GRM1: variants seen among roughly 807,000 people sequenced by gnomAD.
GRM1 encodes metabotropic glutamate receptor 1.
A neutral mutation model predicts 90.9 loss-of-function variants in GRM1; 33 were observed. The ratio of observed to expected loss-of-function variants is 0.36; its 90% CI spans 0.28 to 0.49. The LOEUF (loss-of-function observed/expected upper bound fraction) is 0.49, where lower values mean the gene tolerates loss of function less well. Among genes scored for constraint, GRM1 ranks in the 20% least tolerant of loss-of-function variants. The pLI, the probability that GRM1 is intolerant of heterozygous loss-of-function variation, is 0.99. For missense variants in GRM1, 1,190 were observed against 1,534.3 expected, an observed-to-expected ratio of 0.78 and a Z score of 3.75; for synonymous variants, 700 against 613.2, an observed-to-expected ratio of 1.14 and a Z score of -2.09.
At chr6:146,408,687 G>C (rs1410405217) in intron 7 of GRM1, among the ~76,000 whole-genome samples, 1 of 152,148 alleles carries the variant, frequency 6.6e-6, no homozygotes, top group Non-Finnish European at 1.5e-5. Context: ...AAATAGAGGA[G>C]CTGTAAGTCT....
chr6:146,256,597 C>G (rs1781489097), intron 2 of GRM1, among the ~76,000 whole-genome samples: 1 of 152,158 alleles, frequency 6.6e-6, no homozygotes, highest in African/African-American at 2.4e-5. Context: ...CACTCCTAAG[C>G]CATCATCTTC....
chr6:146,339,252 A>G (rs1405604812), intron 3 of GRM1, among the ~76,000 whole-genome samples: 1 of 152,230 alleles, frequency 6.6e-6, no homozygotes. Flanking sequence ...AACTGAATGG[A>G]CATGAGCATT....
intron 7 of GRM1, among the ~76,000 whole-genome samples, chr6:146,422,493 G>A (rs1254640179): frequency 6.6e-6 from 1 of 152,092 alleles, no homozygotes; most frequent in African/African-American, 2.4e-5. Flanking sequence ...ATGGCTTATG[G>A]ATTAGGCTGG....
chr6:146,040,895 A>G (rs1284040524), intron 1 of GRM1, among the ~76,000 whole-genome samples: 2 of 151,622 alleles, frequency 1.3e-5, no homozygotes, highest in South Asian at 2.1e-4. Flanking sequence ...TGCCTTTTTG[A>G]GGCTATTTTC....
At chr6:146,039,769 A>G (rs1322339306) in intron 1 of GRM1, among the ~76,000 whole-genome samples, 2 of 151,956 alleles carry the variant, frequency 1.3e-5, no homozygotes, top group South Asian at 2.1e-4. Flanking sequence ...TTGACTTTCT[A>G]TGTAGCAGGG....
chr6:146,407,187 C>A (rs1777379461), intron 7 of GRM1, among the ~76,000 whole-genome samples: 1 of 152,166 alleles, frequency 6.6e-6, no homozygotes, highest in Non-Finnish European at 1.5e-5. Context: ...GACAATGCTG[C>A]TGCAGGAGAC....
At chr6:146,049,968 T>A (rs903564921) in intron 1 of GRM1, among the ~76,000 whole-genome samples, 1 of 151,930 alleles carries the variant, frequency 6.6e-6, no homozygotes, top group African/African-American at 2.4e-5. Flanking sequence ...TCAGTCTCAT[T>A]CCAAAGGCTT....
At position 146,365,985 on chromosome 6, in the gene GRM1, G is replaced by A. The variant is rs551691880; in HGVS notation, c.1602+8291G>A. Among the ~76,000 whole-genome samples the A allele has an allele frequency of 2.6e-5, 4 of 152,226 alleles. No homozygotes were observed. The South Asian group carries it at 6.2e-4, about 24-fold the overall frequency. ...TGCCTCATCTTGGTTTCTCCCCTGT[G>A]ACCTATTCCTCTTTCTTGCTTTAGT... On this transcript the variant is annotated intron_variant, in intron 5 of 7. Transcript: ENST00000282753.
intron 2 of GRM1, among the ~76,000 whole-genome samples, chr6:146,197,691 T>C (rs879679204): frequency 7.9e-5 from 12 of 152,250 alleles, no homozygotes; most frequent in Non-Finnish European, 1.6e-4. Flanking sequence ...TGTAAATAAA[T>C]AGTATTGTTC....
At chr6:146,095,022 C>T (rs1038078987) in intron 1 of GRM1, among the ~76,000 whole-genome samples, 4 of 152,124 alleles carry the variant, frequency 2.6e-5, no homozygotes, top group African/African-American at 7.2e-5. Context: ...TAAAGATGCA[C>T]ATATGATCAG....
intron 2 of GRM1, among the ~76,000 whole-genome samples, chr6:146,216,074 A>G (rs1359504387): frequency 6.6e-6 from 1 of 152,180 alleles, no homozygotes; most frequent in Admixed American, 6.5e-5. Context: ...TTAAGAAAAT[A>G]CTGTATATTC....
intron 3 of GRM1, among the ~76,000 whole-genome samples, chr6:146,330,148 A>G (rs1188462194): frequency 6.6e-6 from 1 of 152,202 alleles, no homozygotes; most frequent in Non-Finnish European, 1.5e-5. Flanking sequence ...TGTGATTATG[A>G]CTGAACAACT....
chr6:146,296,865 A>C (rs1783195364), intron 2 of GRM1, among the ~76,000 whole-genome samples: 2 of 152,154 alleles, frequency 1.3e-5, no homozygotes, highest in South Asian at 4.1e-4. Context: ...GTAAGACTTC[A>C]AATATCCCAG....
chr6:146,298,180 T>C (rs1262629005), intron 2 of GRM1, among the ~76,000 whole-genome samples: 2 of 152,212 alleles, frequency 1.3e-5, no homozygotes, highest in Non-Finnish European at 2.9e-5. Flanking sequence ...CTACCCTCCC[T>C]GACTCCATAT....
At chr6:146,402,364 G>A (rs1007073658) in intron 7 of GRM1, among the ~76,000 whole-genome samples, 4 of 152,058 alleles carry the variant, frequency 2.6e-5, no homozygotes, top group Non-Finnish European at 5.9e-5. Context: ...TTGTAACTAT[G>A]TGAGACTGTA....
chr6:146,121,505 T>G (rs538291180), intron 1 of GRM1, among the ~76,000 whole-genome samples: 1 of 152,312 alleles, frequency 6.6e-6, no homozygotes, highest in Admixed American at 6.5e-5. Context: ...CTCTTGCTTC[T>G]CTAGTTCTTT....
At chr6:146,132,293 G>C (rs1050383050) in intron 1 of GRM1, among the ~76,000 whole-genome samples, 2 of 152,036 alleles carry the variant, frequency 1.3e-5, no homozygotes, top group African/African-American at 4.8e-5. Context: ...GGTGGGGGGG[G>C]ACCACATTGA....
chr6:146,427,740 C>T (rs1475756469), intron 7 of GRM1, among the ~76,000 whole-genome samples: 5 of 152,138 alleles, frequency 3.3e-5, no homozygotes, highest in African/African-American at 9.7e-5. Flanking sequence ...GAGGTGTCTG[C>T]GCATCTAGGT....
intron 7 of GRM1, among the ~76,000 whole-genome samples, chr6:146,400,854 T>A (rs1367073288): frequency 6.6e-6 from 1 of 152,174 alleles, no homozygotes; most frequent in Non-Finnish European, 1.5e-5. Flanking sequence ...AGCAGGAACA[T>A]TATTTCCCCC....
Sources: gnomAD v4.1 joint callset for allele counts (sites outside exome capture counted in the v4.1 genomes callset) on GRCh38, gnomAD v4.1.1 for gene constraint, MANE v1.5 for transcripts, NCBI Gene and HGNC (gene_info 2026-07-23, HGNC 2026-07-21) for gene names.